The following CHSY3 variants were observed in gnomAD, a reference collection of about 807,000 sequenced individuals.
CHSY3 encodes N-acetylgalactosaminyl-proteoglycan 3-beta-glucuronosyltransferase 3.
In CHSY3, 35 loss-of-function variants were observed where a neutral mutation model predicts 67.2. The ratio of observed to expected loss-of-function variants is 0.52; its 90% CI spans 0.40 to 0.69. CHSY3 has a LOEUF of 0.69. Ranked by LOEUF, CHSY3 falls within the 30% of genes least tolerant of loss-of-function variation. The probability of loss-of-function intolerance (pLI) is 0.00; values close to 1 mark genes in which losing one functional copy is unlikely to be tolerated. For missense variants in CHSY3, 1,069 were observed against 1,138.5 expected (o/e 0.94, Z 0.88); for synonymous variants, 474 against 434.7 (o/e 1.09, Z -1.12).
intron 2 of CHSY3, among the ~76,000 whole-genome samples, chr5:129,926,272 C>T (rs1242789809): frequency 6.6e-6 from 1 of 151,908 alleles, no homozygotes; most frequent in Non-Finnish European, 1.5e-5. Context: ...TTGTCAAGCC[C>T]ACAGGTTATT....
At chr5:130,166,048 A>C (rs1561566567) in intron 2 of CHSY3, among the ~76,000 whole-genome samples, 1 of 152,286 alleles carries the variant, frequency 6.6e-6, no homozygotes, top group East Asian at 1.9e-4. Flanking sequence ...CCATGAAAAC[A>C]AATCCAAAAC....
intron 2 of CHSY3, among the ~76,000 whole-genome samples, chr5:129,945,832 A>G (rs1476178307): frequency 1.3e-5 from 2 of 152,194 alleles, no homozygotes; most frequent in Non-Finnish European, 2.9e-5. Context: ...TGCGTTATTG[A>G]ACACTAGCTT....
intron 2 of CHSY3, among the ~76,000 whole-genome samples, chr5:130,084,872 T>C (rs531380533): frequency 2.0e-5 from 3 of 151,996 alleles, no homozygotes; most frequent in South Asian, 2.1e-4. Flanking sequence ...AGATAAGAAA[T>C]TGTAGAGACT....
chr5:129,937,992 T>C (rs1761562688), intron 2 of CHSY3, among the ~76,000 whole-genome samples: 1 of 152,096 alleles, frequency 6.6e-6, no homozygotes, highest in Admixed American at 6.6e-5. Flanking sequence ...CCATGAAGGC[T>C]CCACCCCTGC....
At chr5:130,037,261 A>G (rs1189347963) in intron 2 of CHSY3, among the ~76,000 whole-genome samples, 3 of 152,094 alleles carry the variant, frequency 2.0e-5, no homozygotes, top group Admixed American at 1.3e-4. Context: ...TTCACCACCA[A>G]TGCAGCTGAG....
intron 2 of CHSY3, among the ~76,000 whole-genome samples, chr5:129,942,371 C>T (rs1761725095): frequency 6.6e-6 from 1 of 151,942 alleles, no homozygotes; most frequent in Non-Finnish European, 1.5e-5. Context: ...AATGTTGATC[C>T]CTAAAATTTC....
chr5:130,167,437 G>GATTT (rs1219040956), intron 2 of CHSY3, among the ~76,000 whole-genome samples: 1 of 152,088 alleles, frequency 6.6e-6, no homozygotes, highest in Non-Finnish European at 1.5e-5. Context: ...GAAGCTGGAA[G>GATTT]ATTTACATCT....
intron 2 of CHSY3, among the ~76,000 whole-genome samples, chr5:129,988,329 C>T (rs1156344105): frequency 6.6e-6 from 1 of 152,184 alleles, no homozygotes; most frequent in Non-Finnish European, 1.5e-5. Context: ...GCTCATTCAT[C>T]TAAAAAGTTA....
At chr5:130,066,871 A>G (rs1765901282) in intron 2 of CHSY3, among the ~76,000 whole-genome samples, 2 of 152,072 alleles carry the variant, frequency 1.3e-5, no homozygotes, top group African/African-American at 4.8e-5. Flanking sequence ...TATGGTGGCT[A>G]TTTCAGCAAG....
intron 2 of CHSY3, among the ~76,000 whole-genome samples, chr5:130,047,322 A>G (rs1022790482): frequency 1.3e-5 from 2 of 152,180 alleles, no homozygotes; most frequent in Admixed American, 1.3e-4. Flanking sequence ...TTCATCCAAC[A>G]AACCTTTCTT....
At chr5:130,056,918 C>CTTTTT (rs58326964) in intron 2 of CHSY3, among the ~76,000 whole-genome samples, 46 of 56,116 alleles carry the variant, frequency 8.2e-4, no homozygotes, top group African/African-American at 1.1e-3. Context: ...GCATTTCTTT[C>CTTTTT]TTTTTTTTTT....
At chr5:129,970,781 G>A (rs1762620047) in intron 2 of CHSY3, among the ~76,000 whole-genome samples, 1 of 151,768 alleles carries the variant, frequency 6.6e-6, no homozygotes, top group Non-Finnish European at 1.5e-5. Flanking sequence ...GCTACTCTAG[G>A]CTATAAAACT....
chr5:130,109,606 T>C (rs1767527685), intron 2 of CHSY3, among the ~76,000 whole-genome samples: 1 of 151,842 alleles, frequency 6.6e-6, no homozygotes, highest in Non-Finnish European at 1.5e-5. Context: ...TTCTCATCAA[T>C]ATAGAATATA....
At chr5:130,154,516 A>G in intron 2 of CHSY3, among the ~76,000 whole-genome samples, 1 of 152,162 alleles carries the variant, frequency 6.6e-6, no homozygotes, top group East Asian at 1.9e-4. Flanking sequence ...GCCTTCTTAA[A>G]TGCCATGTTT....
intron 2 of CHSY3, among the ~76,000 whole-genome samples, chr5:130,131,128 A>G (rs982615968): frequency 6.6e-6 from 1 of 152,224 alleles, no homozygotes; most frequent in African/African-American, 2.4e-5. Context: ...TTAATATTAC[A>G]TTATAGAATA....
intron 2 of CHSY3, among the ~76,000 whole-genome samples, chr5:130,096,923 G>T (rs1767067973): frequency 6.6e-6 from 1 of 152,028 alleles, no homozygotes; most frequent in South Asian, 2.1e-4. Flanking sequence ...TTATTGCTCT[G>T]ACTCTTTCTC....
chr5:130,114,995 G>A (rs771850902), intron 2 of CHSY3, among the ~76,000 whole-genome samples: 2 of 152,082 alleles, frequency 1.3e-5, no homozygotes, highest in Non-Finnish European at 2.9e-5. Context: ...ACTTTGGAAT[G>A]TGCAACAGAG....
intron 2 of CHSY3, among the ~76,000 whole-genome samples, chr5:130,063,681 T>G (rs1765784540): frequency 6.6e-6 from 1 of 152,102 alleles, no homozygotes; most frequent in African/African-American, 2.4e-5. Context: ...CAATAGAAAT[T>G]TATTTCTCAC....
intron 2 of CHSY3, among the ~76,000 whole-genome samples, chr5:130,091,498 G>A (rs371892419): frequency 6.6e-6 from 1 of 152,084 alleles, no homozygotes; most frequent in African/African-American, 2.4e-5. Context: ...CTTAAATGTT[G>A]GATGGCAGGA....
Sources: allele counts gnomAD v4.1 joint callset (sites outside exome capture counted in the v4.1 genomes callset), GRCh38; gene constraint gnomAD v4.1.1; transcripts MANE v1.5; gene names NCBI Gene and HGNC (gene_info 2026-07-23, HGNC 2026-07-21).